GRM1: variants seen among roughly 807,000 people sequenced by gnomAD.
The protein encoded by GRM1 is metabotropic glutamate receptor 1.
GRM1 carries 33 observed loss-of-function variants against 90.9 expected under a neutral mutation model. The ratio of observed to expected loss-of-function variants is 0.36; its 90% CI spans 0.28 to 0.49. The LOEUF (loss-of-function observed/expected upper bound fraction) is 0.49. Among genes scored for constraint, GRM1 ranks in the 20% least tolerant of loss-of-function variants. GRM1 has a pLI of 0.99. For synonymous variants in GRM1, 700 were observed against 613.2 expected (o/e 1.14, Z -2.09); for missense variants, 1,190 against 1,534.3 (o/e 0.78, Z 3.75).
intron 7 of GRM1, among the ~76,000 whole-genome samples, chr6:146,416,848 A>G (rs991014009): frequency 6.6e-6 from 1 of 152,168 alleles, no homozygotes; most frequent in African/African-American, 2.4e-5. Context: ...TGAGACTTCC[A>G]GAAACTTTAC....
intron 2 of GRM1, among the ~76,000 whole-genome samples, chr6:146,222,910 G>T (rs1042512412): frequency 3.3e-5 from 5 of 152,010 alleles, no homozygotes; most frequent in African/African-American, 1.2e-4. Context: ...GTCATTGGGG[G>T]TGTTGAAGGC....
At chr6:146,043,916 C>G (rs1443617747) in intron 1 of GRM1, among the ~76,000 whole-genome samples, 1 of 150,648 alleles carries the variant, frequency 6.6e-6, no homozygotes, top group Non-Finnish European at 1.5e-5. Flanking sequence ...ACTGTGGAAA[C>G]TGGAGGTATC....
At chr6:146,400,129 A>G (rs1373656287) in intron 7 of GRM1, among the ~76,000 whole-genome samples, 3 of 152,162 alleles carry the variant, frequency 2.0e-5, no homozygotes, top group Admixed American at 1.3e-4. Flanking sequence ...GTTTATTTTT[A>G]TCATTCCGGA....
chr6:146,122,493 C>A (rs1292513554), intron 1 of GRM1, among the ~76,000 whole-genome samples: 1 of 151,996 alleles, frequency 6.6e-6, no homozygotes, highest in Non-Finnish European at 1.5e-5. Context: ...ATTTCTTCAT[C>A]ATTTTCTGCT....
intron 1 of GRM1, among the ~76,000 whole-genome samples, chr6:146,042,398 GA>G (rs1437007530): frequency 7.2e-5 from 11 of 151,940 alleles, no homozygotes; most frequent in African/African-American, 1.4e-4. Flanking sequence ...TTTAGGAGGG[GA>G]AAAAATTAAG....
intron 1 of GRM1, among the ~76,000 whole-genome samples, chr6:146,145,105 A>C (rs981997907): frequency 6.6e-6 from 1 of 152,252 alleles, no homozygotes; most frequent in African/African-American, 2.4e-5. Flanking sequence ...GCTAATCCCG[A>C]AATTCAGGAA....
chr6:146,179,708 G>C (rs886939473), intron 2 of GRM1, among the ~76,000 whole-genome samples: 1 of 152,006 alleles, frequency 6.6e-6, no homozygotes, highest in Admixed American at 6.6e-5. Context: ...TAGTAGACGG[G>C]GTTTCACTGT....
intron 1 of GRM1, among the ~76,000 whole-genome samples, chr6:146,139,367 T>A (rs1241948001): frequency 6.6e-6 from 1 of 152,212 alleles, no homozygotes; most frequent in East Asian, 1.9e-4. Context: ...TGTTTCTGTG[T>A]TGATTTTCTG....
chr6:146,057,363 C>G (rs1015416430), intron 1 of GRM1, among the ~76,000 whole-genome samples: 4 of 152,088 alleles, frequency 2.6e-5, no homozygotes, highest in East Asian at 1.9e-4. Context: ...AGCGGAATAA[C>G]CTAGGCATCA....
intron 1 of GRM1, among the ~76,000 whole-genome samples, chr6:146,155,246 A>G (rs1777481215): frequency 6.6e-6 from 1 of 152,218 alleles, no homozygotes; most frequent in South Asian, 2.1e-4. Flanking sequence ...TGGTCCCACA[A>G]TCATAATAAG....
chr6:146,321,005 T>G (rs538404345), intron 3 of GRM1, among the ~76,000 whole-genome samples: 13 of 152,312 alleles, frequency 8.5e-5, no homozygotes, highest in Admixed American at 8.5e-4. Flanking sequence ...ATTTCTTGTC[T>G]TCAGCTAGCC....
intron 1 of GRM1, among the ~76,000 whole-genome samples, chr6:146,128,317 T>G (rs889686642): frequency 6.6e-6 from 1 of 152,160 alleles, no homozygotes; most frequent in African/African-American, 2.4e-5. Flanking sequence ...GCTAAGATAA[T>G]AATAGGATAT....
chr6:146,107,803 G>A (rs1028871014), intron 1 of GRM1, among the ~76,000 whole-genome samples: 31 of 152,064 alleles, frequency 2.0e-4, no homozygotes, highest in African/African-American at 7.0e-4. Context: ...TATCTGAGAG[G>A]CCACTTCCCT....
At chr6:146,113,059 A>T (rs1325970208) in intron 1 of GRM1, among the ~76,000 whole-genome samples, 2 of 152,238 alleles carry the variant, frequency 1.3e-5, no homozygotes, top group African/African-American at 4.8e-5. Flanking sequence ...CATCAAATAA[A>T]GTCCAATAGT....
intron 3 of GRM1, among the ~76,000 whole-genome samples, chr6:146,312,331 G>A (rs1329016550): frequency 3.3e-5 from 4 of 121,358 alleles, no homozygotes; most frequent in Non-Finnish European, 6.5e-5. Context: ...AAAGAGCCTG[G>A]GTGAAAGAAC....
chr6:146,150,083 G>A (rs936207635), intron 1 of GRM1, among the ~76,000 whole-genome samples: 1 of 152,122 alleles, frequency 6.6e-6, no homozygotes, highest in African/African-American at 2.4e-5. Flanking sequence ...TTAAGTGGCA[G>A]AGCAGAACCA....
At chr6:146,370,489 A>T (rs1199882090) in intron 5 of GRM1, among the ~76,000 whole-genome samples, 1 of 152,102 alleles carries the variant, frequency 6.6e-6, no homozygotes, top group Non-Finnish European at 1.5e-5. Flanking sequence ...ATATCTCTTC[A>T]TTGGCATTTT....
intron 5 of GRM1, among the ~76,000 whole-genome samples, chr6:146,379,252 G>A (rs958750738): frequency 1.3e-4 from 19 of 151,240 alleles, no homozygotes; most frequent in Non-Finnish European, 2.4e-4. Flanking sequence ...CTGTAGGTGC[G>A]CTTTATTGTT....
intron 2 of GRM1, among the ~76,000 whole-genome samples, chr6:146,272,707 G>T (rs902539830): frequency 2.0e-5 from 3 of 152,174 alleles, no homozygotes; most frequent in Non-Finnish European, 2.9e-5. Context: ...TGTGTGAAAA[G>T]GTTGTGGGAA....
Sources: allele counts gnomAD v4.1 joint callset (sites outside exome capture counted in the v4.1 genomes callset), GRCh38; gene constraint gnomAD v4.1.1; transcripts MANE v1.5; gene names NCBI Gene and HGNC (gene_info 2026-07-23, HGNC 2026-07-21).